Variants in IGSF23 observed in about 807,000 individuals in gnomAD.
IGSF23 encodes the protein immunoglobulin superfamily, member 23.
A neutral mutation model predicts 17.8 loss-of-function variants in IGSF23; 14 were observed. The ratio of observed to expected loss-of-function variants is 0.79; its 90% confidence interval spans 0.52 to 1.23. IGSF23 has a LOEUF of 1.23. Among genes scored for constraint, IGSF23 ranks in the 50% most tolerant of loss-of-function variants. The pLI is 0.00. For synonymous variants in IGSF23, 85 were observed against 92.5 expected (o/e 0.92, Z 0.46); for missense variants, 214 against 241.7 (o/e 0.89, Z 0.76).
At chr19:44,636,210 G>C (rs1972885255) in intron 4 of IGSF23, among the ~76,000 whole-genome samples, 1 of 152,140 alleles carries the variant, frequency 6.6e-6, no homozygotes. Flanking sequence ...TACATGACTG[G>C]CCAAATTCAA....
intron 3 of IGSF23, chr19:44,632,749 G>C (rs1287760167): frequency 1.3e-5 from 2 of 152,290 alleles, no homozygotes; most frequent in Non-Finnish European, 1.5e-5. Flanking sequence ...TGTAGATGCT[G>C]TTCAGCTGCT....
At chr19:44,621,371 C>T (rs1056540811) in intron 1 of IGSF23, among the ~76,000 whole-genome samples, 3 of 149,340 alleles carry the variant, frequency 2.0e-5, no homozygotes, top group Non-Finnish European at 4.4e-5. Context: ...GGAATAAGGC[C>T]GGCACGGTGG....
At chr19:44,618,855 A>C (rs1972447042) in intron 1 of IGSF23, among the ~76,000 whole-genome samples, 1 of 152,164 alleles carries the variant, frequency 6.6e-6, no homozygotes, top group Non-Finnish European at 1.5e-5. Flanking sequence ...GCCCAGCTTC[A>C]ACAGGAAGGA....
intron 1 of IGSF23, among the ~76,000 whole-genome samples, chr19:44,619,989 G>C (rs764456920): frequency 3.3e-5 from 5 of 152,132 alleles, no homozygotes; most frequent in Non-Finnish European, 5.9e-5. Context: ...TTCCAGTGTC[G>C]GCCAGGCGCA....
At chr19:44,628,409 C>G (rs966184422) in intron 3 of IGSF23, among the ~76,000 whole-genome samples, 1 of 152,052 alleles carries the variant, frequency 6.6e-6, no homozygotes, top group African/African-American at 2.4e-5. Flanking sequence ...GCATCCTGGT[C>G]GGGGACACCA....
chr19:44,624,284 CTTCTTCTT>C (rs1972590718), intron 2 of IGSF23, among the ~76,000 whole-genome samples: 3 of 148,986 alleles, frequency 2.0e-5, no homozygotes, highest in Non-Finnish European at 4.5e-5. Context: ...TCTACTTCTT[CTTCTTCTT>C]TTTTTTTTTT....
At chr19:44,620,178 A>T (rs1268359826) in intron 1 of IGSF23, among the ~76,000 whole-genome samples, 10 of 152,162 alleles carry the variant, frequency 6.6e-5, no homozygotes, top group South Asian at 2.1e-4. Context: ...CTGAGGAAGT[A>T]GAATCGCTTG....
chr19:44,632,355 A>G (rs1195587267), intron 3 of IGSF23: 1 of 168,998 alleles, frequency 5.9e-6, no homozygotes, highest in Non-Finnish European at 1.3e-5. Flanking sequence ...CCACTATCAT[A>G]GCTACCATTA....
intron 1 of IGSF23, 190 bp downstream of exon 1, chr19:44,613,960 C>T: frequency 1.3e-6 from 2 of 1,542,504 alleles, no homozygotes; most frequent in Middle Eastern, 1.7e-4. Flanking sequence ...GCTCCAGCCA[C>T]ACCCCTACCT....
intron 1 of IGSF23, among the ~76,000 whole-genome samples, chr19:44,622,297 C>A (rs1466552612): frequency 6.6e-6 from 1 of 152,026 alleles, no homozygotes; most frequent in African/African-American, 2.4e-5. Context: ...TCCTTCAAGG[C>A]TTAACTCAGA....
chr19:44,624,918 A>AC (rs1193693229), intron 2 of IGSF23, among the ~76,000 whole-genome samples: 4 of 151,198 alleles, frequency 2.6e-5, no homozygotes, highest in African/African-American at 9.7e-5. Context: ...AAAAAAAAAA[A>AC]AAAACTAAAA....
chr19:44,614,010 C>T, intron 1 of IGSF23: 4 of 1,498,830 alleles, frequency 2.7e-6, no homozygotes, highest in Non-Finnish European at 3.6e-6. Context: ...GAGACAGCGG[C>T]TTCACCACGG....
chr19:44,631,890 G>A (rs1428510578), intron 3 of IGSF23, among the ~76,000 whole-genome samples: 1 of 152,208 alleles, frequency 6.6e-6, no homozygotes, highest in African/African-American at 2.4e-5. Context: ...CAACCTTCCA[G>A]CGTGGGCGTC....
At chr19:44,620,528 G>A (rs922529868) in intron 1 of IGSF23, among the ~76,000 whole-genome samples, 7 of 151,892 alleles carry the variant, frequency 4.6e-5, no homozygotes, top group African/African-American at 1.4e-4. Flanking sequence ...CACCACGCCC[G>A]GCTAATTTTT....
At chr19:44,628,887 GA>G (rs1972710247) in intron 3 of IGSF23, among the ~76,000 whole-genome samples, 1 of 152,212 alleles carries the variant, frequency 6.6e-6, no homozygotes, top group Non-Finnish European at 1.5e-5. Flanking sequence ...GCCTCCCTGG[GA>G]CAGTGACATT....
chr19:44,623,360 T>G (rs1972561827), intron 1 of IGSF23, among the ~76,000 whole-genome samples: 1 of 152,186 alleles, frequency 6.6e-6, no homozygotes, highest in Non-Finnish European at 1.5e-5. Flanking sequence ...GAGAGGGAGC[T>G]GGGGAATTTA....
At chr19:44,616,130 G>GCA (rs1426381642) in intron 1 of IGSF23, among the ~76,000 whole-genome samples, 3 of 149,720 alleles carry the variant, frequency 2.0e-5, no homozygotes, top group African/African-American at 7.4e-5. Context: ...CAGGACAAGC[G>GCA]TAGGGGTGGA....
In IGSF23 at chr19:44,636,595, T is replaced by C. The variant is rs1178177306; in HGVS notation, c.*208T>C. ...TGACTCGGTGCCATCCTTGGTCCCA[T>C]CGCCGTGACACGTTGTGCAAGCAAA... On this transcript the variant is annotated 3_prime_UTR_variant, in exon 5 of 5. Coordinates refer to ENST00000402988, the MANE Select transcript of IGSF23 (RefSeq NM_001205280.2). 1 of 152,158 alleles carries C rather than the reference T, an allele frequency of 6.6e-6. No individual in the cohort carries two copies. 9.4% of individuals were successfully genotyped at this position (152,158 alleles called of 1,614,324 possible). A position where few individuals can be genotyped will look rare whatever the true frequency, so the allele number is the denominator to read the frequency against.
rs754903623 is a variant in IGSF23 at position 44,636,729 on chromosome 19, CTTT to C, written c.*349_*351del. On this transcript the variant is annotated 3_prime_UTR_variant, in exon 5 of 5. Transcript: ENST00000402988. Reference sequence around the variant, plus strand: ...CAAAATATGTCTTTTACACATGCTGCTTTTTTTTTCTCTTTTTCAAAAAGAACC... The same window carrying C: ...CAAAATATGTCTTTTACACATGCTGCTTTTTTCTCTTTTTCAAAAAGAACC... 6.6e-6 allele frequency: 1 copy of C among 151,544 alleles called. No individual in the cohort carries two copies. The highest frequency in any genetic ancestry group is 2.4e-5 in the African/African-American group (1 of 41,216). 9.4% of individuals were successfully genotyped at this position (151,544 alleles called of 1,614,324 possible). A position where few individuals can be genotyped will look rare whatever the true frequency, so the allele number is the denominator to read the frequency against.
Sources: gnomAD v4.1 joint callset for allele counts (sites outside exome capture counted in the v4.1 genomes callset) on GRCh38, gnomAD v4.1.1 for gene constraint, MANE v1.5 for transcripts, NCBI Gene and HGNC (gene_info 2026-07-23, HGNC 2026-07-21) for gene names.